Variants in INTS7 observed in about 807,000 individuals in gnomAD.
INTS7 encodes the protein chromosome 1 open reading frame 73.
In INTS7, 46 loss-of-function variants were observed where a neutral mutation model predicts 109.2. The observed-to-expected ratio is 0.42, with a 90% CI of 0.33 to 0.54. The LOEUF is 0.54. Among genes scored for constraint, INTS7 ranks in the 20% least tolerant of loss-of-function variants. The pLI is 0.07. For synonymous variants in INTS7, 412 were observed against 402.9 expected (o/e 1.02, Z -0.27); for missense variants, 929 against 1,132.4 (o/e 0.82, Z 2.58).
chr1:211,951,150 AG>A (rs1458809842), intron 17 of INTS7, among the ~76,000 whole-genome samples: 6 of 152,240 alleles, frequency 3.9e-5, no homozygotes, highest in Non-Finnish European at 8.8e-5. Context: ...GAGCAGAAGC[AG>A]AAGAGAAACT....
Position 211,944,848 on chromosome 1 carries a change from T to C in INTS7, c.2537A>G (p.Lys846Arg). 1 of 1,614,208 alleles carries C rather than the reference T, an allele frequency of 6.2e-7. No individual in the cohort carries two copies. The highest frequency in any genetic ancestry group is 1.1e-5 in the South Asian group (1 of 91,086). The change falls in exon 19 of 20, where the codon AAA becomes AGA. Residue 846 changes from lysine (K) to arginine (R), a missense_variant. Physicochemically the swap from Lys to Arg is conservative, Grantham distance 26. Transcript: ENST00000366994. ...QHGSKPGLFR[K>R]IQSVCLNVSS... Reference sequence around the variant, plus strand: ...AACATTCAGACAGACAGACTGAATTTTGCGGAAGAGTCCTGGTTTAGATCC... The same window carrying C: ...AACATTCAGACAGACAGACTGAATTCTGCGGAAGAGTCCTGGTTTAGATCC...
At chr1:211,969,875 C>T (rs1428213295) in intron 13 of INTS7, among the ~76,000 whole-genome samples, 3 of 151,938 alleles carry the variant, frequency 2.0e-5, no homozygotes, top group African/African-American at 4.8e-5. Flanking sequence ...CCTGCCACCA[C>T]GCCTGGCTAA....
intron 1 of INTS7, among the ~76,000 whole-genome samples, chr1:212,032,451 G>A (rs975710966): frequency 6.6e-6 from 1 of 151,736 alleles, no homozygotes; most frequent in Non-Finnish European, 1.5e-5. Context: ...TGGCTTGCAC[G>A]GCCCTACCTG....
chr1:211,968,083 C>CA (rs1293418417), intron 14 of INTS7, 102 bp from the exon 15 acceptor site: 14 of 579,782 alleles, frequency 2.4e-5, no homozygotes, highest in East Asian at 6.3e-5. Context: ...AATAACAATT[C>CA]AAAAAAAATA....
chr1:212,012,197 G>A (rs977497202), intron 4 of INTS7, among the ~76,000 whole-genome samples: 3 of 151,922 alleles, frequency 2.0e-5, no homozygotes, highest in Admixed American at 2.0e-4. Flanking sequence ...GTGTGAGTTT[G>A]TAACTCCTGC....
At chr1:211,980,953 C>T (rs1272898715) in intron 10 of INTS7, 140 bp downstream of exon 10, 2 of 491,656 alleles carry the variant, frequency 4.1e-6, no homozygotes, top group African/African-American at 3.9e-5. Context: ...TAGATTAAAT[C>T]AGTGTAGTTT....
intron 11 of INTS7, 55 bp from the exon 12 acceptor site, chr1:211,976,774 T>A (rs752963021): frequency 1.3e-5 from 20 of 1,564,584 alleles, no homozygotes; most frequent in Non-Finnish European, 1.8e-5. Flanking sequence ...TTCAGTGTCA[T>A]TGATAACCTA....
At chr1:211,950,928 G>A (rs925111268) in intron 17 of INTS7, among the ~76,000 whole-genome samples, 3 of 152,156 alleles carry the variant, frequency 2.0e-5, no homozygotes, top group African/African-American at 7.2e-5. Context: ...ACAGATGTGT[G>A]TATTTCTTTC....
At chr1:211,997,694 C>T (rs761579013) in intron 7 of INTS7, among the ~76,000 whole-genome samples, 1 of 151,838 alleles carries the variant, frequency 6.6e-6, no homozygotes, top group Non-Finnish European at 1.5e-5. Flanking sequence ...GCGTGGCCAA[C>T]ATGGTGAAAC....
chr1:211,982,804 A>G lies in INTS7; in HGVS notation c.1004T>C (p.Val335Ala), dbSNP rs374887155. The part of the protein sequence containing the change: ...KHYFSIVPGN[V>A]SSSPRSSDLV... ...ATCAGAAGATCTGGGAGAAGAACTC[A>G]CATTTCCTAAAAAAGCAGAGAAAAG... The change falls in exon 9 of 20, where the codon GTG becomes GCG. Residue 335 changes from valine (V) to alanine (A), a missense_variant. Val to Ala is a moderately conservative substitution (Grantham distance 64). Around this residue, in one of 2 missense-constraint regions of INTS7, gnomAD observed 787 missense variants for 901.1 expected, o/e 0.87. Transcript: ENST00000366994. 5 of 1,603,134 alleles carry G rather than the reference A, an allele frequency of 3.1e-6. No individual in the cohort carries two copies. The highest frequency in any genetic ancestry group is 3.4e-6 in the Non-Finnish European group (4 of 1,174,400).
intron 7 of INTS7, among the ~76,000 whole-genome samples, chr1:211,991,119 G>A (rs1044366860): frequency 2.0e-5 from 3 of 152,120 alleles, no homozygotes; most frequent in African/African-American, 7.2e-5. Context: ...GATTCAGTAA[G>A]TATTACAAAC....
intron 16 of INTS7, among the ~76,000 whole-genome samples, chr1:211,956,208 G>C (rs1267361113): frequency 1.3e-5 from 2 of 152,174 alleles, no homozygotes; most frequent in Non-Finnish European, 2.9e-5. Flanking sequence ...CAAAAATCAA[G>C]TGACTACGTG....
chr1:212,026,451 C>T (rs1405419154), intron 1 of INTS7, among the ~76,000 whole-genome samples: 2 of 152,150 alleles, frequency 1.3e-5, no homozygotes, highest in Admixed American at 6.5e-5. Context: ...CATCTGCTCC[C>T]TCCTCCCCTT....
intron 7 of INTS7, among the ~76,000 whole-genome samples, chr1:211,997,254 A>G (rs1022371802): frequency 6.6e-6 from 1 of 152,064 alleles, no homozygotes; most frequent in Non-Finnish European, 1.5e-5. Flanking sequence ...GAAAAAAAAG[A>G]GAGAGATAGG....
At chr1:211,947,444 C>T (rs1238208097) in intron 17 of INTS7, among the ~76,000 whole-genome samples, 1 of 152,142 alleles carries the variant, frequency 6.6e-6, no homozygotes, top group African/African-American at 2.4e-5. Context: ...CATAAGAACA[C>T]TTTTAACTTC....
At position 212,007,565 on chromosome 1, in the gene INTS7, ATATT is replaced by A. The variant is rs1665984734; in HGVS notation, c.557-120_557-117del. ...CACTTGAAAAACACAGTATACTAAT[ATATT>A]TATAACATTAAAGATTATACTAGAA... On this transcript the variant is annotated intron_variant, in intron 5 of 19. Transcript: ENST00000366994. The A allele has an allele frequency of 4.1e-5, 27 of 666,376 alleles. No homozygotes were observed. In the South Asian group the frequency reaches 4.8e-4, roughly 12 times the overall value. The allele number at this position is 666,376 out of a possible 1,614,324, so 41.3% of individuals were successfully genotyped here.
chr1:212,031,398 A>T (rs966212567), intron 1 of INTS7, among the ~76,000 whole-genome samples: 1 of 152,254 alleles, frequency 6.6e-6, no homozygotes. Context: ...TAATGATCAT[A>T]TCATGAAATG....
At chr1:212,001,854 T>C (rs1272819326) in intron 7 of INTS7, among the ~76,000 whole-genome samples, 1 of 152,210 alleles carries the variant, frequency 6.6e-6, no homozygotes, top group Non-Finnish European at 1.5e-5. Flanking sequence ...GCTGGTTGTT[T>C]CTCAGTTCAT....
intron 8 of INTS7, among the ~76,000 whole-genome samples, chr1:211,984,948 C>T (rs1246446485): frequency 6.6e-6 from 1 of 152,084 alleles, no homozygotes; most frequent in African/African-American, 2.4e-5. Context: ...TCTTTTAATG[C>T]TATTACATCC....
Sources: allele counts gnomAD v4.1 joint callset (sites outside exome capture counted in the v4.1 genomes callset), GRCh38; gene constraint gnomAD v4.1.1; regional missense constraint gnomAD v4.1.1; transcripts MANE v1.5; gene names NCBI Gene and HGNC (gene_info 2026-07-23, HGNC 2026-07-21).